The following COL5A1 variants were observed in gnomAD, a reference collection of about 807,000 sequenced individuals.
The protein encoded by COL5A1 is collagen type V alpha 1 chain.
COL5A1 carries 16 observed loss-of-function variants against 263.7 expected under a neutral mutation model. The ratio of observed to expected loss-of-function variants is 0.06; its 90% confidence interval spans 0.04 to 0.09. The LOEUF (loss-of-function observed/expected upper bound fraction) is 0.09, where lower values mean the gene tolerates loss of function less well. Among genes scored for constraint, COL5A1 ranks in the 10% least tolerant of loss-of-function variants. The pLI is 1.00. For missense variants in COL5A1, 2,036 were observed against 2,540.5 expected, an observed-to-expected ratio of 0.80 and a Z score of 4.27; for synonymous variants, 1,012 against 1,004.5, an observed-to-expected ratio of 1.01 and a Z score of -0.14.
Position 134,741,459 on chromosome 9 carries a change from G to A in COL5A1, c.1494+2651G>A, listed in dbSNP as rs1406572343. 6.6e-6 allele frequency among the ~76,000 whole-genome samples: 1 copy of A among 152,170 alleles called. No individual in the cohort carries two copies. Among genetic ancestry groups the A allele is most frequent in the Non-Finnish European group, 1.5e-5 (1 of 68,028 alleles). On this transcript the variant is annotated intron_variant, in intron 11 of 65. Transcript: ENST00000371817. The surrounding 1 kb of genome is among the most constrained non-coding windows in gnomAD (Gnocchi z 4.5). Reference sequence around the variant, plus strand: ...GTTTGGGCTTCGCGGGGTGACAGATGGTGGGCAAGTGACTAGGAACTCCAT... The same window carrying A: ...GTTTGGGCTTCGCGGGGTGACAGATAGTGGGCAAGTGACTAGGAACTCCAT...
In COL5A1 at chr9:134,747,994, CACACAT is replaced by C. The variant is rs1330683469; in HGVS notation, c.1495-2541_1495-2536del. ...GCATTCACACACACATGCATTCACA[CACACAT>C]ACACATGCATTCACACACATGCATT... On this transcript the variant is annotated intron_variant, in intron 11 of 65. Coordinates refer to ENST00000371817, the MANE Select transcript of COL5A1 (RefSeq NM_000093.5). Among the ~76,000 whole-genome samples, 200 of 123,364 alleles carry C rather than the reference CACACAT, an allele frequency of 1.6e-3. 1 individual carries two copies. The highest frequency in any genetic ancestry group is 2.7e-3 in the East Asian group (10 of 3,650). The allele number at this position is 123,364 out of a possible 152,430, so 80.9% of individuals were successfully genotyped here. A position where few individuals can be genotyped will look rare whatever the true frequency, so the allele number is the denominator to read the frequency against.
At chr9:134,834,947 G>A (rs2132925320) in intron 64 of COL5A1, 24 bp from the exon 65 acceptor site, 2 of 1,561,122 alleles carry the variant, frequency 1.3e-6, no homozygotes, top group Non-Finnish European at 1.8e-6. Context: ...ACCCTGCTGA[G>A]CCCCAACACC....
Position 134,841,219 on chromosome 9 carries a change from T to C in COL5A1, c.5371-938T>C, listed in dbSNP as rs908150957. Among the ~76,000 whole-genome samples, 6 of 152,218 alleles carry C rather than the reference T, an allele frequency of 3.9e-5. No homozygotes were observed. The highest frequency in any genetic ancestry group is 7.3e-5 in the Non-Finnish European group (5 of 68,038). On this transcript the variant is annotated intron_variant, in intron 65 of 65. Coordinates refer to ENST00000371817, the MANE Select transcript of COL5A1 (RefSeq NM_000093.5). This position sits in a 1 kb window ranked among gnomAD's most constrained non-coding sequence, Gnocchi z 4.8. ...TCTGGGTCTGAGGTAGCAAAAGCCA[T>C]CTGCCCAGGATGCGTTTGCAGGCTC...
intron 63 of COL5A1, among the ~76,000 whole-genome samples, chr9:134,826,774 G>A (rs1343315776): frequency 1.3e-5 from 2 of 151,026 alleles, no homozygotes; most frequent in South Asian, 4.2e-4. Flanking sequence ...GTGTGGGTGT[G>A]TAGATGGTGT....
chr9:134,730,218 T>A lies in COL5A1; in HGVS notation c.925-18T>A, dbSNP rs917781980. ...GGCCTCCGCCCTGACTCCAGCTGTC[T>A]CTGTCCTTGGCTCCCAGGAGCTGAC... On this transcript the variant is annotated intron_variant, in intron 6 of 65. Transcript: ENST00000371817. 1 of 1,612,524 alleles carries A rather than the reference T, an allele frequency of 6.2e-7. No homozygotes were observed. Among genetic ancestry groups the A allele is most frequent in the Non-Finnish European group, 8.5e-7 (1 of 1,179,952 alleles).
At position 134,716,530 on chromosome 9, in the gene COL5A1, C is replaced by T. The variant is rs187628742; in HGVS notation, c.655-10736C>T. Among the ~76,000 whole-genome samples the T allele has an allele frequency of 5.3e-5, 8 of 152,320 alleles. No individual in the cohort carries two copies. Among genetic ancestry groups the T allele is most frequent in the African/African-American group, 1.9e-4 (8 of 41,578 alleles). The stretch of plus-strand genomic sequence containing the variant: ...AGTGCAGGCCTTTGTGAGGTCACCA[C>T]CCTTTGGGTGGCGAGTCTTTGAGGA... On this transcript the variant is annotated intron_variant, in intron 4 of 65. Coordinates refer to ENST00000371817, the MANE Select transcript of COL5A1 (RefSeq NM_000093.5). The surrounding 1 kb of genome is among the most constrained non-coding windows in gnomAD (Gnocchi z 4.5).
chr9:134,785,145 G>A (rs1041161186), intron 30 of COL5A1, 49 bp downstream of exon 30: 2 of 1,493,634 alleles, frequency 1.3e-6, no homozygotes, highest in Non-Finnish European at 1.9e-6. Flanking sequence ...GATCTGACAG[G>A]CCCTTCCCCA....
intron 34 of COL5A1, among the ~76,000 whole-genome samples, chr9:134,795,897 C>T (rs999343998): frequency 2.0e-5 from 3 of 152,208 alleles, no homozygotes; most frequent in Non-Finnish European, 4.4e-5. Context: ...CGAGCTGGCC[C>T]GTCCCTCGGC....
intron 30 of COL5A1, among the ~76,000 whole-genome samples, chr9:134,785,320 C>G (rs1226342569): frequency 6.6e-6 from 1 of 152,208 alleles, no homozygotes; most frequent in Non-Finnish European, 1.5e-5. Context: ...CAGCCCTCCA[C>G]CATCGCCTTG....
Position 134,842,040 on chromosome 9 carries a change from T to C in COL5A1, c.5371-117T>C, listed in dbSNP as rs1830118436. ...TTGCCCGGGCAAGCGCAGCCCTGGGTAGGAGACAGGACACCAGCCTGGGTT... is the reference window on the plus strand; with the variant it reads ...TTGCCCGGGCAAGCGCAGCCCTGGGCAGGAGACAGGACACCAGCCTGGGTT... On this transcript the variant is annotated intron_variant, in intron 65 of 65. Coordinates refer to ENST00000371817, the MANE Select transcript of COL5A1 (RefSeq NM_000093.5). This position sits in a 1 kb window ranked among gnomAD's most constrained non-coding sequence, Gnocchi z 5.8. 9 of 1,185,200 alleles carry C rather than the reference T, an allele frequency of 7.6e-6. No individual in the cohort carries two copies. Among genetic ancestry groups the C allele is most frequent in the Non-Finnish European group, 9.9e-6 (8 of 805,278 alleles). The allele number at this position is 1,185,200 out of a possible 1,614,324, so 73.4% of individuals were successfully genotyped here. A position where few individuals can be genotyped will look rare whatever the true frequency, so the allele number is the denominator to read the frequency against.
chr9:134,774,877 G>A lies in COL5A1; in HGVS notation c.2350G>A (p.Gly784Ser), dbSNP rs767627080. The A allele has an allele frequency of 6.2e-7, 1 of 1,613,804 alleles. No homozygotes were observed. The highest frequency in any genetic ancestry group is 1.3e-5 in the African/African-American group (1 of 74,928). Residue 784 changes from glycine (G) to serine (S), a missense_variant, in exon 27 of 66, where the codon GGT becomes AGT. Physicochemically the swap from Gly to Ser is moderately conservative, Grantham distance 56. Coordinates refer to ENST00000371817, the MANE Select transcript of COL5A1 (RefSeq NM_000093.5). ...KGGQGPPGPQ[G>S]PIGYPGPRGV... ...GTTTTAGGGTCCACCTGGCCCCCAG[G>A]GTCCGATTGGCTACCCAGGTCCTCG...
At position 134,818,555 on chromosome 9, in the gene COL5A1, G is replaced by T; in HGVS notation, c.4231-101G>T. ...CAACCCCGGATATGGGGTCACCTGG[G>T]ACTCCTCCAGAGGTGCCCAGGGTTT... On this transcript the variant is annotated intron_variant, in intron 54 of 65. Transcript: ENST00000371817. This position sits in a 1 kb window ranked among gnomAD's most constrained non-coding sequence, Gnocchi z 6.0. The T allele has an allele frequency of 1.2e-6, 1 of 824,972 alleles. No homozygotes were observed. 51.1% of individuals were successfully genotyped at this position (824,972 alleles called of 1,614,324 possible).
At chr9:134,796,702 G>A (rs1193898103) in intron 35 of COL5A1, 146 bp from the exon 36 acceptor site, 1 of 833,010 alleles carries the variant, frequency 1.2e-6, no homozygotes, top group East Asian at 2.5e-5. Context: ...GCAGGGTGAG[G>A]GAGGGGCTGG....
Position 134,818,744 on chromosome 9 carries a change from G to T in COL5A1, c.4319G>T (p.Arg1440Leu). The T allele has an allele frequency of 6.2e-7, 1 of 1,612,138 alleles. No homozygotes were observed. The highest frequency in any genetic ancestry group is 8.5e-7 in the Non-Finnish European group (1 of 1,179,536). Residue 1440 changes from arginine to leucine, a missense_variant, in exon 55 of 66, where the codon CGA (arginine) becomes CTA (leucine). This residue lies in a region of COL5A1 where 1,078 missense variants were observed against 1,521.4 expected (regional missense o/e 0.71). Coordinates refer to ENST00000371817, the MANE Select transcript of COL5A1 (RefSeq NM_000093.5). The surrounding 1 kb of genome is among the most constrained non-coding windows in gnomAD (Gnocchi z 6.0). The part of the protein sequence containing the change: ...APGKPGPDGL[R>L]GIPGPVGEQG... The stretch of plus-strand genomic sequence containing the variant: ...GGGAAGCCCGGACCGGATGGCCTTC[G>T]AGGGATCCCTGGCCCTGTGGTGAGT...
chr9:134,661,936 C>T (rs1033093751), intron 1 of COL5A1, among the ~76,000 whole-genome samples: 3 of 152,104 alleles, frequency 2.0e-5, no homozygotes, highest in Non-Finnish European at 4.4e-5. Flanking sequence ...CAACTGGACA[C>T]GGATGCCAGT....
In COL5A1 at chr9:134,841,456, G is replaced by C. The variant is rs1830100497; in HGVS notation, c.5371-701G>C. On this transcript the variant is annotated intron_variant, in intron 65 of 65. Transcript: ENST00000371817. This position sits in a 1 kb window ranked among gnomAD's most constrained non-coding sequence, Gnocchi z 4.8. ...TTCCATCCCACATCCCAGCGCCCAG[G>C]GTTGTGCTGTTTTGAGCAAGGGATG... Among the ~76,000 whole-genome samples, 1 of 152,134 alleles carries C rather than the reference G, an allele frequency of 6.6e-6. No homozygotes were observed. Among genetic ancestry groups the C allele is most frequent in the African/African-American group, 2.4e-5 (1 of 41,414 alleles).
At chr9:134,824,142 C>T (rs1459643223) in intron 61 of COL5A1, among the ~76,000 whole-genome samples, 2 of 152,160 alleles carry the variant, frequency 1.3e-5, no homozygotes, top group African/African-American at 4.8e-5. Context: ...GGAGTCTCTC[C>T]AACTCCCATC....
chr9:134,793,044 G>A (rs971444552), intron 32 of COL5A1, among the ~76,000 whole-genome samples: 33 of 152,140 alleles, frequency 2.2e-4, no homozygotes, highest in Non-Finnish European at 3.8e-4. Flanking sequence ...TGGGCCAGAC[G>A]TGGAAATGGC....
At chr9:134,691,192 A>T in intron 2 of COL5A1, 113 bp downstream of exon 2, 3 of 1,389,716 alleles carry the variant, frequency 2.2e-6, no homozygotes, top group Non-Finnish European at 2.0e-6. Context: ...GCTTTCCAGG[A>T]AGCCCCTCTC....
Sources: gnomAD v4.1 joint callset for allele counts (sites outside exome capture counted in the v4.1 genomes callset) on GRCh38, gnomAD v4.1.1 for gene constraint, gnomAD v4.1.1 regional missense constraint, Gnocchi (gnomAD v3.1) non-coding constraint, MANE v1.5 for transcripts, NCBI Gene and HGNC (gene_info 2026-07-23, HGNC 2026-07-21) for gene names.